Variants in PCDHA5 observed in about 807,000 individuals in gnomAD.
PCDHA5 encodes the protein protocadherin alpha 5, also known as protocadherin alpha-5.
A neutral mutation model predicts 61.6 loss-of-function variants in PCDHA5; 43 were observed. The ratio of observed to expected loss-of-function variants is 0.70; its 90% CI spans 0.55 to 0.90. The LOEUF is 0.90. PCDHA5 is among the 40% of genes least tolerant of loss of function. The pLI, the probability that PCDHA5 is intolerant of heterozygous loss-of-function variation, is 0.00. For synonymous variants in PCDHA5, 627 were observed against 543.9 expected (o/e 1.15, Z -2.13); for missense variants, 1,298 against 1,222.7 (o/e 1.06, Z -0.92).
intron 1 of PCDHA5, chr5:140,967,032 A>G (rs2096085772): frequency 6.2e-7 from 1 of 1,610,180 alleles, no homozygotes; most frequent in African/African-American, 1.3e-5. Context: ...AGTCCGCGCT[A>G]CCTGGAGCTG....
chr5:140,931,907 G>A (rs573618162), intron 1 of PCDHA5, among the ~76,000 whole-genome samples: 107 of 151,900 alleles, frequency 7.0e-4, no homozygotes, highest in Middle Eastern at 3.5e-3. Context: ...CATTTGAAAA[G>A]CATGACATTT....
chr5:140,821,626 A>G lies in PCDHA5; in HGVS notation c.-150A>G. ...AATACAGTGAGTAGATTTTCCTTAG[A>G]CAGAAAGGAAAAGAACCTTCCATTT... On this transcript the variant is annotated 5_prime_UTR_variant, in exon 1 of 4. Coordinates refer to ENST00000529859, the MANE Select transcript of PCDHA5 (RefSeq NM_018908.3). 2 of 917,604 alleles carry G rather than the reference A, an allele frequency of 2.2e-6. No homozygotes were observed. Among genetic ancestry groups the G allele is most frequent in the Non-Finnish European group, 3.2e-6 (2 of 626,190 alleles). The allele number at this position is 917,604 out of a possible 1,614,324, so 56.8% of individuals were successfully genotyped here.
rs369670852 is a variant in PCDHA5, at chr5:140,928,571, C to G, written c.2353-50378C>G. 1.9e-5 allele frequency: 30 copies of G among 1,614,180 alleles called. 1 individual carries two copies. The African/African-American group carries it at 1.9e-4, about 10-fold the overall frequency. On this transcript the variant is annotated intron_variant, in intron 1 of 3. Transcript: ENST00000529859. ...TATCCGGTTATCTTGTTTCCCTTGC[C>G]CAGAAATGGTTCTGTCCCAGTGGAA...
At chr5:140,884,812 G>C in intron 1 of PCDHA5, 2 of 1,117,104 alleles carry the variant, frequency 1.8e-6, no homozygotes, top group Non-Finnish European at 2.5e-6. Flanking sequence ...ACTCTGCTGT[G>C]GACATTATGT....
intron 1 of PCDHA5, chr5:140,830,140 G>A (rs1305649998): frequency 1.2e-6 from 2 of 1,613,352 alleles, no homozygotes; most frequent in Non-Finnish European, 8.5e-7. Context: ...CACGGGCGTC[G>A]GTGGGCGCCG....
rs1554203742 is a variant in PCDHA5 at position 140,926,854 on chromosome 5, G to A, written c.2353-52095G>A. 10 of 1,520,530 alleles carry A rather than the reference G, an allele frequency of 6.6e-6. No homozygotes were observed. In the South Asian group the frequency reaches 1.3e-4, roughly 20 times the overall value. The allele number at this position is 1,520,530 out of a possible 1,614,324, so 94.2% of individuals were successfully genotyped here. On this transcript the variant is annotated intron_variant, in intron 1 of 3. Transcript: ENST00000529859. Reference sequence around the variant, plus strand: ...GGAGCATGGTCCTGGGTCACCGTTGGTGTAGCGTGTTGGTGGAACGTGGAC... The same window carrying A: ...GGAGCATGGTCCTGGGTCACCGTTGATGTAGCGTGTTGGTGGAACGTGGAC...
intron 1 of PCDHA5, among the ~76,000 whole-genome samples, chr5:140,831,498 C>T (rs2150195161): frequency 1.8e-5 from 2 of 108,406 alleles, no homozygotes; most frequent in Non-Finnish European, 3.8e-5. Flanking sequence ...TTACTACACA[C>T]GAGCACCACC....
At chr5:140,928,077 C>T in intron 1 of PCDHA5, 1 of 1,614,230 alleles carries the variant, frequency 6.2e-7, no homozygotes, top group Non-Finnish European at 8.5e-7. Context: ...ACAACTACTA[C>T]AGCCTGCTGA....
At chr5:140,850,162 T>C in intron 1 of PCDHA5, 2 of 1,595,026 alleles carry the variant, frequency 1.3e-6, no homozygotes, top group Non-Finnish European at 1.7e-6. Context: ...GTGTTCGTGC[T>C]GGACGAGAAC....
At chr5:140,869,256 C>T in intron 1 of PCDHA5, 2 of 1,613,586 alleles carry the variant, frequency 1.2e-6, no homozygotes, top group Non-Finnish European at 1.7e-6. Flanking sequence ...TCGCGCAGGA[C>T]CTGGGGCTGG....
chr5:140,826,724 C>A (rs144963704), intron 1 of PCDHA5, among the ~76,000 whole-genome samples: 1 of 152,130 alleles, frequency 6.6e-6, no homozygotes, highest in Non-Finnish European at 1.5e-5. Flanking sequence ...AGAGGAAGAG[C>A]AAGTGGTCTA....
intron 2 of PCDHA5, among the ~76,000 whole-genome samples, chr5:140,979,710 A>C (rs1178718053): frequency 1.3e-5 from 2 of 152,268 alleles, no homozygotes; most frequent in African/African-American, 4.8e-5. Flanking sequence ...GAGGTGATCC[A>C]GTATCCATGC....
chr5:140,915,542 G>T (rs1253663657), intron 1 of PCDHA5, among the ~76,000 whole-genome samples: 2 of 152,030 alleles, frequency 1.3e-5, no homozygotes, highest in Admixed American at 6.6e-5. Context: ...TGGAGGTCTT[G>T]AATAAGATCC....
intron 1 of PCDHA5, chr5:140,871,305 G>A (rs782666863): frequency 3.7e-6 from 6 of 1,613,874 alleles, no homozygotes; most frequent in African/African-American, 1.3e-5. Context: ...GCGCGCCGGG[G>A]AAGCCCACGC....
chr5:140,880,707 G>A (rs1017608107), intron 1 of PCDHA5, among the ~76,000 whole-genome samples: 2 of 152,180 alleles, frequency 1.3e-5, no homozygotes, highest in East Asian at 3.8e-4. Context: ...TGACAATGTT[G>A]AGCAGCTTAA....
At chr5:140,850,196 A>G (rs1367952118) in intron 1 of PCDHA5, 1 of 1,592,698 alleles carries the variant, frequency 6.3e-7, no homozygotes, top group East Asian at 2.2e-5. Context: ...CGCTGCTGAC[A>G]CCTCGGATGA....
chr5:140,905,396 C>T (rs913640299), intron 1 of PCDHA5, among the ~76,000 whole-genome samples: 1 of 152,080 alleles, frequency 6.6e-6, no homozygotes, highest in Non-Finnish European at 1.5e-5. Flanking sequence ...GGTCTGTGTG[C>T]CTATTTTTAT....
At chr5:140,912,865 A>G (rs1554195582) in intron 1 of PCDHA5, among the ~76,000 whole-genome samples, 1 of 152,138 alleles carries the variant, frequency 6.6e-6, no homozygotes, top group East Asian at 1.9e-4. Flanking sequence ...GAAATGATAT[A>G]TGGTTTTTGG....
At chr5:141,003,750 A>T (rs868985181) in intron 3 of PCDHA5, among the ~76,000 whole-genome samples, 3 of 152,226 alleles carry the variant, frequency 2.0e-5, no homozygotes, top group African/African-American at 7.2e-5. Flanking sequence ...CATATTTTGT[A>T]TAATTATGGT....
Sources: gnomAD v4.1 joint callset for allele counts (sites outside exome capture counted in the v4.1 genomes callset) on GRCh38, gnomAD v4.1.1 for gene constraint, MANE v1.5 for transcripts, NCBI Gene and HGNC (gene_info 2026-07-23, HGNC 2026-07-21) for gene names.